The following HLA-DRB5 variants were observed in gnomAD, a reference collection of about 807,000 sequenced individuals.
HLA-DRB5 encodes DR beta-5.
In HLA-DRB5, 11 loss-of-function variants were observed where a neutral mutation model predicts 22.4. The observed-to-expected ratio is 0.49, with a 90% CI of 0.31 to 0.81. HLA-DRB5 has a LOEUF of 0.81. Among genes scored for constraint, HLA-DRB5 ranks in the 40% least tolerant of loss-of-function variants. The pLI, the probability that HLA-DRB5 is intolerant of heterozygous loss-of-function variation, is 0.05. For synonymous variants in HLA-DRB5, 57 were observed against 106.0 expected, an observed-to-expected ratio of 0.54 and a Z score of 2.84; for missense variants, 106 against 274.4, an observed-to-expected ratio of 0.39 and a Z score of 4.34.
At chr6:32,518,979 T>G (rs73405151) in intron 3 of HLA-DRB5, among the ~76,000 whole-genome samples, 55,865 of 77,250 alleles carry the variant, frequency 0.72, 23,042 homozygotes, top group Middle Eastern at 0.9. Flanking sequence ...GCAGAGCTGA[T>G]ATTGGACTCC....
At chr6:32,520,834 T>A (rs147987532) in intron 2 of HLA-DRB5, among the ~76,000 whole-genome samples, 1 of 42,032 alleles carries the variant, frequency 2.4e-5, no homozygotes, top group Non-Finnish European at 4.7e-5. Context: ...AACATACAAA[T>A]CAAAAACTGG....
At chr6:32,520,955 T>A (rs182100021) in intron 2 of HLA-DRB5, among the ~76,000 whole-genome samples, 1 of 56,150 alleles carries the variant, frequency 1.8e-5, no homozygotes, top group Non-Finnish European at 3.4e-5. Flanking sequence ...AAATAGATCA[T>A]TGTCCATTAC....
In HLA-DRB5 at chr6:32,519,266, G is replaced by A. The variant is rs796541514; in HGVS notation, c.652+104C>T. 259 of 667,016 alleles carry A rather than the reference G, an allele frequency of 3.9e-4. 2 individuals carry two copies. The highest frequency in any genetic ancestry group is 3.2e-3 in the East Asian group (104 of 32,752). The allele number at this position is 667,016 out of a possible 1,614,324, so 41.3% of individuals were successfully genotyped here. A position where few individuals can be genotyped will look rare whatever the true frequency, so the allele number is the denominator to read the frequency against. The stretch of plus-strand genomic sequence containing the variant: ...GTGCTAATGGAGATGAGAACATGGA[G>A]CAAATGAAAATAGGATGTGGGAGAT... On this transcript the variant is annotated intron_variant, in intron 3 of 5. Transcript: ENST00000374975.
intron 1 of HLA-DRB5, among the ~76,000 whole-genome samples, chr6:32,525,882 A>T (rs200425338): frequency 0.13 from 3,095 of 24,608 alleles, 60 homozygotes; most frequent in East Asian, 0.21. Flanking sequence ...GTATATTCTA[A>T]GTCACTAATA....
At chr6:32,523,634 A>G (rs1769230144) in intron 1 of HLA-DRB5, among the ~76,000 whole-genome samples, 1 of 117,282 alleles carries the variant, frequency 8.5e-6, no homozygotes, top group Non-Finnish European at 1.8e-5. Flanking sequence ...CAACTCATGA[A>G]AATGTTGAAA....
chr6:32,525,937 C>T (rs559109541), intron 1 of HLA-DRB5, among the ~76,000 whole-genome samples: 369 of 31,622 alleles, frequency 0.012, 63 homozygotes, highest in East Asian at 0.029. Context: ...TCTTCATGAG[C>T]AGTCACCACT....
chr6:32,523,944 C>T (rs73407208), intron 1 of HLA-DRB5, among the ~76,000 whole-genome samples: 27,979 of 86,870 alleles, frequency 0.32, 2,535 homozygotes, highest in Middle Eastern at 0.43. Flanking sequence ...CTAGCAGTGT[C>T]CCTGGCTTCT....
chr6:32,521,285 C>A (rs867886124), intron 2 of HLA-DRB5, among the ~76,000 whole-genome samples: 39,076 of 87,128 alleles, frequency 0.45, 8,808 homozygotes, highest in Middle Eastern at 0.62. Flanking sequence ...AATATACACA[C>A]TAAGAAAACA....
intron 2 of HLA-DRB5, among the ~76,000 whole-genome samples, chr6:32,520,645 T>A (rs1438248670): frequency 1.1e-5 from 1 of 91,586 alleles, no homozygotes; most frequent in Non-Finnish European, 2.2e-5. Flanking sequence ...CCTAGGAAAA[T>A]CCCTAACACT....
intron 1 of HLA-DRB5, among the ~76,000 whole-genome samples, chr6:32,527,112 C>G (rs796801600): frequency 0.047 from 4,200 of 89,350 alleles, 48 homozygotes; most frequent in East Asian, 0.069. Context: ...GCCTATTTTC[C>G]CTGAGGATTC....
chr6:32,527,098 T>A (rs1428098609), intron 1 of HLA-DRB5, among the ~76,000 whole-genome samples: 653 of 29,678 alleles, frequency 0.022, 34 homozygotes, highest in Middle Eastern at 0.083. Context: ...ACTAGTGAAC[T>A]CAAGCCTATT....
intron 1 of HLA-DRB5, among the ~76,000 whole-genome samples, chr6:32,528,857 A>T (rs150730260): frequency 0.018 from 307 of 16,956 alleles, 23 homozygotes; most frequent in African/African-American, 0.036. Flanking sequence ...GAGGAAGGAT[A>T]GCTTGAGTCT....
At chr6:32,523,921 C>T (rs73407207) in intron 1 of HLA-DRB5, among the ~76,000 whole-genome samples, 2,722 of 121,376 alleles carry the variant, frequency 0.022, 543 homozygotes, top group Admixed American at 0.046. Flanking sequence ...CTGTTCTGAA[C>T]ATTGTAGGTT....
chr6:32,522,316 C>A lies in HLA-DRB5; in HGVS notation c.101-142G>T. The A allele has an allele frequency of 9.1e-6, 2 of 219,900 alleles. 1 individual carries two copies. The highest frequency in any genetic ancestry group is 9.4e-5 in the South Asian group (2 of 21,390). The allele number at this position is 219,900 out of a possible 1,614,324, so 13.6% of individuals were successfully genotyped here. A position where few individuals can be genotyped will look rare whatever the true frequency, so the allele number is the denominator to read the frequency against. On this transcript the variant is annotated intron_variant, in intron 1 of 5. Coordinates refer to ENST00000374975, the MANE Select transcript of HLA-DRB5 (RefSeq NM_002125.4). ...CAACCATAACCCCGACCACGCGCAG[C>A]CCAGAGGCTCATCCTCCGTCTTCCT...
At chr6:32,523,505 C>T (rs73726181) in intron 1 of HLA-DRB5, among the ~76,000 whole-genome samples, 653 of 20,356 alleles carry the variant, frequency 0.032, 215 homozygotes, top group East Asian at 0.037. Flanking sequence ...ATGAATCATA[C>T]CAAATGTAGA....
chr6:32,519,885 G>T (rs72508435), intron 2 of HLA-DRB5, among the ~76,000 whole-genome samples: 1 of 80,310 alleles, frequency 1.2e-5, no homozygotes, highest in Non-Finnish European at 2.5e-5. Context: ...TTGAAATTGG[G>T]ATGCATTGTC....
chr6:32,525,819 G>A (rs1170212204), intron 1 of HLA-DRB5, among the ~76,000 whole-genome samples: 1 of 133,000 alleles, frequency 7.5e-6, no homozygotes, highest in Non-Finnish European at 1.6e-5. Context: ...TACTGATGGA[G>A]ACCAGATTCA....
chr6:32,524,916 C>T lies in HLA-DRB5; in HGVS notation c.101-2742G>A, dbSNP rs1463657024. On this transcript the variant is annotated intron_variant, in intron 1 of 5. Coordinates refer to ENST00000374975, the MANE Select transcript of HLA-DRB5 (RefSeq NM_002125.4). ...AACTAGGAACCTGTTTGTTATCTGA[C>T]AACCCTAGCCAGACTTGCTAGTCAA... 1.8e-3 allele frequency among the ~76,000 whole-genome samples: 53 copies of T among 29,418 alleles called. 2 individuals are homozygous for T. The highest frequency in any genetic ancestry group is 2.7e-3 in the Admixed American group (6 of 2,212). 19.3% of individuals were successfully genotyped at this position (29,418 alleles called of 152,430 possible). A position where few individuals can be genotyped will look rare whatever the true frequency, so the allele number is the denominator to read the frequency against.
chr6:32,523,322 C>T (rs796330666), intron 1 of HLA-DRB5, among the ~76,000 whole-genome samples: 4 of 41,802 alleles, frequency 9.6e-5, no homozygotes, highest in South Asian at 5.7e-4. Flanking sequence ...TCTGTAGTTT[C>T]AATACATGTA....
Sources: gnomAD v4.1 joint callset for allele counts (sites outside exome capture counted in the v4.1 genomes callset) on GRCh38, gnomAD v4.1.1 for gene constraint, MANE v1.5 for transcripts, NCBI Gene and HGNC (gene_info 2026-07-23, HGNC 2026-07-21) for gene names.